The following PHLPP1 variants were observed in gnomAD, a reference collection of about 807,000 sequenced individuals.
PHLPP1 encodes PH domain and leucine rich repeat protein phosphatase 1.
A neutral mutation model predicts 117.2 loss-of-function variants in PHLPP1; 42 were observed. That is an observed-to-expected ratio of 0.36 (90% CI 0.28 to 0.46). PHLPP1 has a LOEUF of 0.46. Among genes scored for constraint, PHLPP1 ranks in the 20% least tolerant of loss-of-function variants. The probability of loss-of-function intolerance (pLI) is 1.00; values close to 1 mark genes in which losing one functional copy is unlikely to be tolerated. For synonymous variants in PHLPP1, 1,042 were observed against 970.7 expected (o/e 1.07, Z -1.37); for missense variants, 2,084 against 2,241.9 (o/e 0.93, Z 1.42).
At chr18:62,970,789 G>A (rs1198146978) in intron 14 of PHLPP1, among the ~76,000 whole-genome samples, 5 of 151,998 alleles carry the variant, frequency 3.3e-5, no homozygotes, top group Non-Finnish European at 5.9e-5. Context: ...CAAAAAATGA[G>A]GAAATGTTTC....
chr18:62,834,863 C>T (rs1351025403), intron 2 of PHLPP1, among the ~76,000 whole-genome samples: 2 of 152,046 alleles, frequency 1.3e-5, no homozygotes, highest in Non-Finnish European at 2.9e-5. Flanking sequence ...TTTTCCTTTC[C>T]TCCCACCCTC....
At chr18:62,766,722 A>G (rs1454920920) in intron 1 of PHLPP1, among the ~76,000 whole-genome samples, 2 of 152,118 alleles carry the variant, frequency 1.3e-5, no homozygotes, top group Non-Finnish European at 2.9e-5. Flanking sequence ...ATATCAGATA[A>G]ATATATATTT....
chr18:62,880,953 G>A (rs904468954), intron 4 of PHLPP1, among the ~76,000 whole-genome samples: 2 of 152,182 alleles, frequency 1.3e-5, no homozygotes, highest in Non-Finnish European at 2.9e-5. Context: ...CAGGAGCTGT[G>A]CCTTATTTGT....
chr18:62,743,781 C>A (rs71352592), intron 1 of PHLPP1, among the ~76,000 whole-genome samples: 1 of 152,128 alleles, frequency 6.6e-6, no homozygotes, highest in Non-Finnish European at 1.5e-5. Flanking sequence ...CACCCTCCCC[C>A]TCTCCCTCTC....
At chr18:62,891,634 A>G (rs1274778747) in intron 4 of PHLPP1, among the ~76,000 whole-genome samples, 1 of 151,520 alleles carries the variant, frequency 6.6e-6, no homozygotes, top group African/African-American at 2.4e-5. Flanking sequence ...TCATGCCTTT[A>G]GTTCTAACAC....
intron 12 of PHLPP1, among the ~76,000 whole-genome samples, chr18:62,949,057 T>G (rs1910378272): frequency 6.6e-6 from 1 of 152,200 alleles, no homozygotes; most frequent in Non-Finnish European, 1.5e-5. Flanking sequence ...TATTAAAATT[T>G]TATTATTGAG....
chr18:62,731,811 A>G (rs989689641), intron 1 of PHLPP1, among the ~76,000 whole-genome samples: 1 of 152,214 alleles, frequency 6.6e-6, no homozygotes, highest in African/African-American at 2.4e-5. Context: ...TATTGCTGAT[A>G]TGGAGAACGT....
chr18:62,768,840 A>G (rs954422514), intron 1 of PHLPP1, among the ~76,000 whole-genome samples: 1 of 152,316 alleles, frequency 6.6e-6, no homozygotes, highest in African/African-American at 2.4e-5. Context: ...TTATTAGGAT[A>G]AAAGCAAACA....
rs1045430699 is a variant in PHLPP1, at chr18:62,716,987, G to A, written c.1304G>A (p.Cys435Tyr). The A allele has an allele frequency of 2.6e-6, 4 of 1,542,128 alleles. No homozygotes were observed. Among genetic ancestry groups the A allele is most frequent in the Non-Finnish European group, 3.5e-6 (4 of 1,146,030 alleles). Residue 435 changes from cysteine to tyrosine, a missense_variant, in exon 1 of 17, where the codon TGC becomes TAC. Transcript: ENST00000262719. The surrounding 1 kb of genome is among the most constrained non-coding windows in gnomAD (Gnocchi z 5.7). ...SPGGAVREGS[C>Y]EEKAAAAVAP... ...GGCGGGGCCGTCCGCGAGGGGTCGTGCGAGGAGAAGGCAGCGGCAGCCGTG... is the reference window on the plus strand; with the variant it reads ...GGCGGGGCCGTCCGCGAGGGGTCGTACGAGGAGAAGGCAGCGGCAGCCGTG...
At chr18:62,961,771 A>G (rs1012435070) in intron 13 of PHLPP1, among the ~76,000 whole-genome samples, 4 of 152,194 alleles carry the variant, frequency 2.6e-5, no homozygotes, top group African/African-American at 9.7e-5. Context: ...CAAGGTATTA[A>G]CTTGATTTGG....
intron 12 of PHLPP1, among the ~76,000 whole-genome samples, chr18:62,953,665 TC>T (rs1318106654): frequency 2.6e-5 from 4 of 152,244 alleles, no homozygotes; most frequent in Non-Finnish European, 4.4e-5. Flanking sequence ...GATTTGTAGG[TC>T]CTTAATACAT....
chr18:62,978,769 C>G lies in PHLPP1; in HGVS notation c.4492C>G (p.Pro1498Ala). 1 of 1,612,814 alleles carries G rather than the reference C, an allele frequency of 6.2e-7. No individual in the cohort carries two copies. The highest frequency in any genetic ancestry group is 8.5e-7 in the Non-Finnish European group (1 of 1,179,620). The change falls in exon 17 of 17, where the codon CCC becomes GCC. Residue 1498 changes from proline to alanine, a missense_variant. Physicochemically the swap from Pro to Ala is conservative, Grantham distance 27 (BLOSUM62 -1). This residue lies in a region of PHLPP1 where 1,365 missense variants were observed against 1,605.9 expected (regional missense o/e 0.85). Transcript: ENST00000262719. The surrounding 1 kb of genome is among the most constrained non-coding windows in gnomAD (Gnocchi z 7.0). Reference sequence around the variant, plus strand: ...GGTGGGGTCAACAGCCTCCGATGAGCCCCCGCCCGGAGCCCTAAGCGAGAA... The same window carrying G: ...GGTGGGGTCAACAGCCTCCGATGAGGCCCCGCCCGGAGCCCTAAGCGAGAA... ...SEVGSTASDE[P>A]PPGALSENSP...
chr18:62,944,095 A>T (rs1910208821), intron 11 of PHLPP1, among the ~76,000 whole-genome samples: 1 of 152,226 alleles, frequency 6.6e-6, no homozygotes, highest in South Asian at 2.1e-4. Flanking sequence ...TTAAAAGTGT[A>T]TTGTGACAAA....
chr18:62,715,669 C>A lies in PHLPP1; in HGVS notation c.-15C>A. The A allele has an allele frequency of 7.8e-7, 1 of 1,275,728 alleles. No individual in the cohort carries two copies. The highest frequency in any genetic ancestry group is 2.8e-5 in the South Asian group (1 of 35,862). The allele number at this position is 1,275,728 out of a possible 1,614,324, so 79.0% of individuals were successfully genotyped here. A position where few individuals can be genotyped will look rare whatever the true frequency, so the allele number is the denominator to read the frequency against. ...TGCCTCCGGAGCTGGGGGGGAAACG[C>A]GAAGCCCCACTGCAATGGAGCCCGC... On this transcript the variant is annotated 5_prime_UTR_variant, in exon 1 of 17. Transcript: ENST00000262719.
intron 1 of PHLPP1, among the ~76,000 whole-genome samples, chr18:62,795,091 T>C (rs1913585510): frequency 6.6e-6 from 1 of 152,178 alleles, no homozygotes; most frequent in Non-Finnish European, 1.5e-5. Context: ...GACTAGGTAA[T>C]AAATATAATA....
At chr18:62,779,899 C>T (rs1913070994) in intron 1 of PHLPP1, among the ~76,000 whole-genome samples, 1 of 152,140 alleles carries the variant, frequency 6.6e-6, no homozygotes, top group African/African-American at 2.4e-5. Context: ...ATTGAGAGCT[C>T]TCTGGGCTGG....
chr18:62,894,773 T>A (rs969394159), intron 4 of PHLPP1, among the ~76,000 whole-genome samples: 1 of 152,182 alleles, frequency 6.6e-6, no homozygotes, highest in Non-Finnish European at 1.5e-5. Flanking sequence ...ATATTCAACC[T>A]TATTTTAGAG....
At chr18:62,761,597 C>T (rs558840434) in intron 1 of PHLPP1, among the ~76,000 whole-genome samples, 5 of 150,870 alleles carry the variant, frequency 3.3e-5, no homozygotes, top group Admixed American at 1.3e-4. Flanking sequence ...CGCGCCACTG[C>T]GCTCCAGCCT....
At chr18:62,805,156 C>T (rs1347309045) in intron 1 of PHLPP1, among the ~76,000 whole-genome samples, 2 of 141,464 alleles carry the variant, frequency 1.4e-5, no homozygotes, top group African/African-American at 5.2e-5. Flanking sequence ...GTATAATATA[C>T]ACTGCATAGG....
Sources: gnomAD v4.1 joint callset for allele counts (sites outside exome capture counted in the v4.1 genomes callset) on GRCh38, gnomAD v4.1.1 for gene constraint, gnomAD v4.1.1 regional missense constraint, Gnocchi (gnomAD v3.1) non-coding constraint, MANE v1.5 for transcripts, NCBI Gene and HGNC (gene_info 2026-07-23, HGNC 2026-07-21) for gene names.